The following CNBD1 variants were observed in gnomAD, a reference collection of about 807,000 sequenced individuals.
CNBD1 encodes cyclic nucleotide binding domain containing 1.
Under a neutral mutation model 54.4 loss-of-function variants are expected in CNBD1, and 71 were observed. The ratio of observed to expected loss-of-function variants is 1.30; its 90% CI spans 1.08 to 1.59. The LOEUF is 1.59. CNBD1 is among the 40% of genes most tolerant of loss of function. CNBD1 has a pLI of 0.00. For missense variants in CNBD1, 659 were observed against 518.0 expected, an observed-to-expected ratio of 1.27 and a Z score of -2.64; for synonymous variants, 182 against 170.7, an observed-to-expected ratio of 1.07 and a Z score of -0.51.
intron 4 of CNBD1, among the ~76,000 whole-genome samples, chr8:87,017,491 A>G (rs1323096289): frequency 6.6e-6 from 1 of 152,182 alleles, no homozygotes; most frequent in Non-Finnish European, 1.5e-5. Flanking sequence ...TATTAACTAA[A>G]GCTATCCCTA....
intron 4 of CNBD1, among the ~76,000 whole-genome samples, chr8:87,016,605 T>C (rs1809362047): frequency 6.6e-6 from 1 of 152,186 alleles, no homozygotes; most frequent in South Asian, 2.1e-4. Flanking sequence ...TAGATTAGTA[T>C]CATTCAGCTT....
chr8:87,346,262 A>G (rs1448831741), intron 8 of CNBD1, among the ~76,000 whole-genome samples: 4 of 151,860 alleles, frequency 2.6e-5, no homozygotes, highest in African/African-American at 4.8e-5. Context: ...GCTTGTCTTG[A>G]ACTCCCGACC....
At chr8:87,423,890 T>A (rs1189487313) in intron 2 of CNBD1, among the ~76,000 whole-genome samples, 2 of 152,238 alleles carry the variant, frequency 1.3e-5, no homozygotes, top group Admixed American at 6.5e-5. Context: ...AATTTGGCTG[T>A]GAAGCCATCT....
chr8:87,067,535 A>G (rs1192629112), intron 4 of CNBD1, among the ~76,000 whole-genome samples: 1 of 152,100 alleles, frequency 6.6e-6, no homozygotes, highest in East Asian at 1.9e-4. Context: ...TTAATATTTG[A>G]AAACTTTTTA....
rs1188882237 is a variant in CNBD1, at chr8:87,163,762, A to G, written c.432-42231A>G. Among the ~76,000 whole-genome samples, 1 of 151,744 alleles carries G rather than the reference A, an allele frequency of 6.6e-6. No homozygotes were observed. Among genetic ancestry groups the G allele is most frequent in the Non-Finnish European group, 1.5e-5 (1 of 67,872 alleles). ...ATAAGATTATGTCATCTGCAAAAAG[A>G]TAATTTTACTTTCTTATTTGGATGT... On this transcript the variant is annotated intron_variant, in intron 4 of 10. Coordinates refer to ENST00000518476, the MANE Select transcript of CNBD1 (RefSeq NM_173538.3). The surrounding 1 kb of genome is among the most constrained non-coding windows in gnomAD (Gnocchi z 4.5).
intron 8 of CNBD1, among the ~76,000 whole-genome samples, chr8:87,302,798 C>G (rs949406899): frequency 2.0e-5 from 3 of 151,954 alleles, no homozygotes; most frequent in African/African-American, 7.2e-5. Flanking sequence ...TCTCAGGTTA[C>G]AAAATCAATG....
chr8:87,223,495 G>C (rs982450375), intron 5 of CNBD1, among the ~76,000 whole-genome samples: 1 of 150,830 alleles, frequency 6.6e-6, no homozygotes, highest in African/African-American at 2.4e-5. Context: ...TGCAGTGTTT[G>C]GTTTTTTGTT....
intron 2 of CNBD1, among the ~76,000 whole-genome samples, chr8:87,400,784 C>T (rs1456252989): frequency 6.6e-6 from 1 of 151,912 alleles, no homozygotes; most frequent in Non-Finnish European, 1.5e-5. Flanking sequence ...AAAGATAAAT[C>T]TAAACTCTTA....
In CNBD1 at chr8:87,409,356, TGAG is replaced by T. The variant is rs147315649; in HGVS notation, c.214-19187_214-19185del. ...GTTCAATTCTATAAAGGCTGAGAGA[TGAG>T]GAAGCTGCAGAAATTTGAAAGCTAA... On this transcript the variant is annotated intron_variant, in intron 2 of 7. Coordinates refer to the CNBD1 transcript ENST00000521593. 3.3e-5 allele frequency among the ~76,000 whole-genome samples: 5 copies of T among 152,218 alleles called. No homozygotes were observed. In the East Asian group the frequency reaches 9.7e-4, roughly 30 times the overall value.
intron 4 of CNBD1, among the ~76,000 whole-genome samples, chr8:86,941,942 T>C (rs1807323907): frequency 6.6e-6 from 1 of 152,204 alleles, no homozygotes; most frequent in Non-Finnish European, 1.5e-5. Flanking sequence ...CCTGATGTAC[T>C]ATACGTCCCC....
chr8:87,360,923 A>T (rs1158419946), intron 10 of CNBD1, among the ~76,000 whole-genome samples: 1 of 151,922 alleles, frequency 6.6e-6, no homozygotes, highest in Non-Finnish European at 1.5e-5. Context: ...ATATCTGTTA[A>T]GCATTTCAGG....
chr8:87,416,209 A>C (rs1198538277), intron 2 of CNBD1, among the ~76,000 whole-genome samples: 1 of 152,024 alleles, frequency 6.6e-6, no homozygotes, highest in Non-Finnish European at 1.5e-5. Context: ...AATGTAATAA[A>C]CCTCTTGCAA....
chr8:87,415,248 G>A (rs897969107), intron 2 of CNBD1, among the ~76,000 whole-genome samples: 1 of 151,968 alleles, frequency 6.6e-6, no homozygotes, highest in East Asian at 1.9e-4. Flanking sequence ...TCAATTACTG[G>A]TACTCATACT....
intron 6 of CNBD1, among the ~76,000 whole-genome samples, chr8:87,269,426 AT>A (rs1563531632): frequency 6.6e-6 from 1 of 152,036 alleles, no homozygotes; most frequent in Non-Finnish European, 1.5e-5. Flanking sequence ...TTCCATATGA[AT>A]TTTGTAATTG....
At chr8:87,340,854 G>A (rs1262483630) in intron 8 of CNBD1, among the ~76,000 whole-genome samples, 1 of 151,580 alleles carries the variant, frequency 6.6e-6, no homozygotes, top group African/African-American at 2.4e-5. Context: ...TGAATTTTTT[G>A]TTGGGTAACT....
intron 4 of CNBD1, among the ~76,000 whole-genome samples, chr8:87,170,645 T>G (rs1203150139): frequency 2.6e-5 from 4 of 152,084 alleles, no homozygotes; most frequent in Non-Finnish European, 5.9e-5. Context: ...AGTTTTTTGG[T>G]TTTTGTTATG....
intron 10 of CNBD1, among the ~76,000 whole-genome samples, chr8:87,357,613 T>G (rs894885008): frequency 2.0e-5 from 3 of 152,166 alleles, no homozygotes; most frequent in Non-Finnish European, 4.4e-5. Flanking sequence ...ATCTTGGAAA[T>G]TAATAACTTG....
chr8:87,073,320 C>A (rs1286267609), intron 4 of CNBD1, among the ~76,000 whole-genome samples: 1 of 152,062 alleles, frequency 6.6e-6, no homozygotes, highest in Non-Finnish European at 1.5e-5. Context: ...GCCATTTTAG[C>A]CTCAGCCCAC....
intron 2 of CNBD1, among the ~76,000 whole-genome samples, chr8:86,894,711 C>G (rs1808824851): frequency 6.6e-6 from 1 of 152,236 alleles, no homozygotes; most frequent in African/African-American, 2.4e-5. Flanking sequence ...ATCCTCAACC[C>G]CTGACAACCA....
Sources: gnomAD v4.1 joint callset for allele counts (sites outside exome capture counted in the v4.1 genomes callset) on GRCh38, gnomAD v4.1.1 for gene constraint, Gnocchi (gnomAD v3.1) non-coding constraint, MANE v1.5 for transcripts, NCBI Gene and HGNC (gene_info 2026-07-23, HGNC 2026-07-21) for gene names.